The following SMC1A variants were observed in gnomAD, a reference collection of about 807,000 sequenced individuals.
SMC1A encodes structural maintenance of chromosomes 1A.
In SMC1A, 4 loss-of-function variants were observed where a neutral mutation model predicts 94.5. The observed-to-expected ratio is 0.04, with a 90% CI of 0.02 to 0.10. The LOEUF is 0.10. Ranked by LOEUF, SMC1A falls within the 10% of genes least tolerant of loss-of-function variation. SMC1A has a pLI of 1.00. For synonymous variants in SMC1A, 345 were observed against 347.7 expected, an observed-to-expected ratio of 0.99 and a Z score of 0.09; for missense variants, 304 against 989.0, an observed-to-expected ratio of 0.31 and a Z score of 9.29.
At position 53,376,653 on chromosome X, in the gene SMC1A, T is replaced by G. The variant is rs1307171342; in HGVS notation, c.*3450A>C. On this transcript the variant is annotated 3_prime_UTR_variant, in exon 25 of 25. Coordinates refer to ENST00000322213, the MANE Select transcript of SMC1A (RefSeq NM_006306.4). ...TCCAATATCTGGAAATTCCTTCTACTTCCTCAACTGGCTAATTCCTACCCG... is the reference window on the plus strand; with the variant it reads ...TCCAATATCTGGAAATTCCTTCTACGTCCTCAACTGGCTAATTCCTACCCG... 9.0e-6 allele frequency: 1 copy of G among 111,606 alleles called. No homozygotes were observed. Among genetic ancestry groups the G allele is most frequent in the African/African-American group, 3.3e-5 (1 of 30,681 alleles). The allele number at this position is 111,606 out of a possible 1,213,427, so 9.2% of individuals were successfully genotyped here. A position where few individuals can be genotyped will look rare whatever the true frequency, so the allele number is the denominator to read the frequency against.
At position 53,380,193 on chromosome X, in the gene SMC1A, G is replaced by C. The variant is rs781911393; in HGVS notation, c.3619-7C>G. ...TGATCACACAGTCCCCTTGCTGAAG[G>C]AGGAGGGAGAAAAAGAAAAATAAAA... is the stretch of plus-strand genomic sequence containing the variant. On this transcript the variant is annotated splice_region_variant and splice_polypyrimidine_tract_variant and intron_variant, in intron 24 of 24. Transcript: ENST00000322213. The C allele has an allele frequency of 2.8e-5, 33 of 1,170,890 alleles. No individual in the cohort carries two copies. Among genetic ancestry groups the C allele is most frequent in the Non-Finnish European group, 3.6e-5 (31 of 861,683 alleles).
chrX:53,384,994 T>A (rs182696462), intron 19 of SMC1A, among the ~76,000 whole-genome samples: 3,034 of 107,701 alleles, frequency 0.028, 87 homozygotes, highest in East Asian at 0.17. Context: ...CTAAAAAAAA[T>A]ATATATATAT....
intron 16 of SMC1A, among the ~76,000 whole-genome samples, chrX:53,396,886 C>T (rs2075653154): frequency 8.9e-6 from 1 of 112,098 alleles, no homozygotes; most frequent in East Asian, 2.8e-4. Context: ...ATCTCATCAG[C>T]TAGATAATCA....
At chrX:53,403,721 T>C in intron 14 of SMC1A, 49 bp from the exon 15 acceptor site, 1 of 1,178,879 alleles carries the variant, frequency 8.5e-7, no homozygotes, top group Non-Finnish European at 1.2e-6. Flanking sequence ...TCTGTCCTGC[T>C]TCCAGTCCCA....
At chrX:53,414,706 G>C (rs374158692) in intron 3 of SMC1A, 52 bp downstream of exon 3, 50 of 760,621 alleles carry the variant, frequency 6.6e-5, no homozygotes, top group East Asian at 4.4e-4. Flanking sequence ...GAGTGGGGAT[G>C]GGACATGGTC....
intron 18 of SMC1A, among the ~76,000 whole-genome samples, chrX:53,395,281 T>C (rs1416060841): frequency 4.5e-5 from 5 of 112,307 alleles, no homozygotes; most frequent in African/African-American, 1.3e-4. Context: ...AGGCGGAGGC[T>C]GCAGTGAGCC....
chrX:53,407,368 T>C (rs782153957), intron 9 of SMC1A, among the ~76,000 whole-genome samples: 1 of 112,317 alleles, frequency 8.9e-6, no homozygotes, highest in East Asian at 2.8e-4. Context: ...TGTGTGGGGG[T>C]ACCTGGAGGG....
chrX:53,415,199 G>A (rs981894144), intron 1 of SMC1A, 30 bp from the exon 2 acceptor site: 1 of 1,139,053 alleles, frequency 8.8e-7, no homozygotes, highest in Non-Finnish European at 1.2e-6. Flanking sequence ...GCAGTAGAGG[G>A]AAAGTCAGGA....
At chrX:53,402,929 A>C (rs868989739) in intron 15 of SMC1A, among the ~76,000 whole-genome samples, 59 of 96,909 alleles carry the variant, frequency 6.1e-4, no homozygotes, top group Middle Eastern at 5.1e-3. Context: ...GCACTTTGGG[A>C]GGCTGAGGCA....
At chrX:53,401,979 C>A (rs782771460) in intron 15 of SMC1A, among the ~76,000 whole-genome samples, 1 of 106,928 alleles carries the variant, frequency 9.4e-6, no homozygotes, top group Non-Finnish European at 1.9e-5. Flanking sequence ...CATTGGGTTT[C>A]TTGTCATTGT....
Position 53,382,362 on chromosome X carries a change from G to C in SMC1A, c.3307C>G (p.Pro1103Ala). Residue 1103 changes from proline to alanine, a missense_variant, in exon 22 of 25, where the codon CCT becomes GCT. Transcript: ENST00000322213. ...SAQAFLGPEN[P>A]EEPYLDGINY... ...ATGCCATCCAAGTAGGGCTCTTCAG[G>C]GTTCTCAGGGCCCAGGAATGCCTAG... 1 of 1,208,524 alleles carries C rather than the reference G, an allele frequency of 8.3e-7. No individual in the cohort carries two copies. The highest frequency in any genetic ancestry group is 1.1e-6 in the Non-Finnish European group (1 of 893,823).
At chrX:53,391,005 A>G (rs1556887194) in intron 19 of SMC1A, among the ~76,000 whole-genome samples, 1 of 90,715 alleles carries the variant, frequency 1.1e-5, no homozygotes, top group East Asian at 3.2e-4. Flanking sequence ...AAAGAAAAAG[A>G]AAAAAAAAAA....
At chrX:53,389,842 CTT>C (rs1193457348) in intron 19 of SMC1A, among the ~76,000 whole-genome samples, 1 of 55,097 alleles carries the variant, frequency 1.8e-5, no homozygotes, top group South Asian at 1.1e-3. Context: ...TCCAGAATTT[CTT>C]TTTTTTTTTT....
intron 18 of SMC1A, 70 bp downstream of exon 18, chrX:53,396,157 G>A: frequency 1.8e-6 from 2 of 1,111,492 alleles, no homozygotes; most frequent in South Asian, 1.8e-5. Flanking sequence ...GCCCTTCCTG[G>A]TCACTTTCAC....
At chrX:53,419,153 T>C (rs1341418430) in intron 1 of SMC1A, among the ~76,000 whole-genome samples, 1 of 109,801 alleles carries the variant, frequency 9.1e-6, no homozygotes, top group Non-Finnish European at 1.9e-5. Context: ...TATATGACTT[T>C]GAACTGAAGA....
At chrX:53,394,934 G>A in intron 18 of SMC1A, 46 bp from the exon 19 acceptor site, 2 of 776,863 alleles carry the variant, frequency 2.6e-6, no homozygotes, top group African/African-American at 2.0e-5. Context: ...GGCCATGAGA[G>A]TGCACCTCTA....
At position 53,376,198 on chromosome X, in the gene SMC1A, TA is replaced by T. The variant is rs1156873119; in HGVS notation, c.*3904del. ...GCACATACAGCATGAACATCTAACC[TA>T]ATCTGTTTTCCATGCTGGTTGGCTA... On this transcript the variant is annotated 3_prime_UTR_variant, in exon 25 of 25. Transcript: ENST00000322213. 1 of 112,176 alleles carries T rather than the reference TA, an allele frequency of 8.9e-6. No individual in the cohort carries two copies. The highest frequency in any genetic ancestry group is 3.2e-5 in the African/African-American group (1 of 30,866). The allele number at this position is 112,176 out of a possible 1,213,427, so 9.2% of individuals were successfully genotyped here. A position where few individuals can be genotyped will look rare whatever the true frequency, so the allele number is the denominator to read the frequency against.
chrX:53,396,206 A>G (rs782428153), intron 18 of SMC1A, 21 bp downstream of exon 18: 1 of 1,206,559 alleles, frequency 8.3e-7, no homozygotes, highest in Non-Finnish European at 1.1e-6. Context: ...GCCCACTCCC[A>G]CCACCAGCCA....
chrX:53,419,067 TTA>T (rs1374108379), intron 1 of SMC1A, among the ~76,000 whole-genome samples: 1 of 104,077 alleles, frequency 9.6e-6, no homozygotes. Flanking sequence ...AAAAAAAAGT[TTA>T]GTCGGGCTGG....
Sources: allele counts gnomAD v4.1 joint callset (sites outside exome capture counted in the v4.1 genomes callset), GRCh38; gene constraint gnomAD v4.1.1; transcripts MANE v1.5; gene names NCBI Gene and HGNC (gene_info 2026-07-23, HGNC 2026-07-21).